Variants in NTM observed in about 807,000 individuals in gnomAD.
The protein encoded by NTM is neurotrimin, also known as IgLON family member 2.
In NTM, 13 loss-of-function variants were observed where a neutral mutation model predicts 42.1. That is an observed-to-expected ratio of 0.31 (90% confidence interval 0.20 to 0.49). The LOEUF is 0.49. Among genes scored for constraint, NTM ranks in the 20% least tolerant of loss-of-function variants. The probability of loss-of-function intolerance (pLI) is 0.99; values close to 1 mark genes in which losing one functional copy is unlikely to be tolerated. For missense variants in NTM, 373 were observed against 452.8 expected (o/e 0.82, Z 1.60); for synonymous variants, 187 against 179.2 (o/e 1.04, Z -0.35).
intron 3 of NTM, among the ~76,000 whole-genome samples, chr11:132,198,580 T>C (rs932377101): frequency 6.6e-6 from 1 of 152,168 alleles, no homozygotes; most frequent in African/African-American, 2.4e-5. Flanking sequence ...TTTACCACAG[T>C]AAAAGCTTTG....
At chr11:131,564,027 C>A (rs1041598946) in intron 1 of NTM, among the ~76,000 whole-genome samples, 2 of 152,310 alleles carry the variant, frequency 1.3e-5, no homozygotes, top group South Asian at 4.1e-4. Flanking sequence ...TAAAATTAGT[C>A]TTTGCTTCAC....
intron 1 of NTM, among the ~76,000 whole-genome samples, chr11:131,491,471 A>G (rs756782917): frequency 6.6e-6 from 1 of 152,140 alleles, no homozygotes; most frequent in East Asian, 1.9e-4. Context: ...AAATACTCAC[A>G]TCCATACCTA....
At chr11:132,102,353 G>A (rs1339064790) in intron 2 of NTM, among the ~76,000 whole-genome samples, 1 of 152,170 alleles carries the variant, frequency 6.6e-6, no homozygotes, top group Non-Finnish European at 1.5e-5. Flanking sequence ...CTGGCTCCTA[G>A]GATGTGTTTC....
At chr11:131,639,882 G>A (rs1413343489) in intron 1 of NTM, among the ~76,000 whole-genome samples, 2 of 152,018 alleles carry the variant, frequency 1.3e-5, no homozygotes, top group Non-Finnish European at 2.9e-5. Flanking sequence ...CTTGAACCCG[G>A]GAGGCGGAGG....
intron 1 of NTM, among the ~76,000 whole-genome samples, chr11:131,434,722 T>C (rs1948980522): frequency 1.3e-5 from 2 of 152,248 alleles, no homozygotes; most frequent in South Asian, 4.1e-4. Context: ...GCAAAAATTT[T>C]CTCCCATTCT....
Position 131,911,626 on chromosome 11 carries a change from C to T in NTM, c.145C>T (p.Gln49Ter). ...AGCTATGGACAACGTGACGGTCCGG[C>T]AGGGGGAGAGCGCCACCCTCAGGTA... is the stretch of plus-strand genomic sequence containing the variant. ...PKAMDNVTVR[Q>*]GESATLRCTI... Residue 49 changes from glutamine (Q) to a stop codon, truncating the protein, a stop_gained, in exon 2 of 9, where the codon CAG becomes TAG. Transcript: ENST00000683400. LOFTEE classifies it high-confidence loss of function. 6.2e-7 allele frequency: 1 copy of T among 1,614,144 alleles called. No individual in the cohort carries two copies.
chr11:131,955,546 TA>T lies in NTM; in HGVS notation c.167+43899del, dbSNP rs753743848. Reference sequence around the variant, plus strand: ...AGATAAATTATAAATGGAGGATAATTATCGTAGTTTTTAGGAAAGGTAAAAC... The same window carrying T: ...AGATAAATTATAAATGGAGGATAATTTCGTAGTTTTTAGGAAAGGTAAAAC... On this transcript the variant is annotated intron_variant, in intron 2 of 8. Transcript: ENST00000683400. Among the ~76,000 whole-genome samples, 41 of 152,242 alleles carry T rather than the reference TA, an allele frequency of 2.7e-4. No homozygotes were observed. In the Middle Eastern group the frequency reaches 0.024, roughly 88 times the overall value.
intron 4 of NTM, among the ~76,000 whole-genome samples, chr11:132,230,987 G>A (rs931409581): frequency 2.6e-5 from 4 of 152,230 alleles, no homozygotes; most frequent in African/African-American, 7.2e-5. Context: ...ACTCCAGCCT[G>A]TGTGATAGAG....
At chr11:131,511,375 G>A (rs2048222882) in intron 1 of NTM, among the ~76,000 whole-genome samples, 1 of 152,208 alleles carries the variant, frequency 6.6e-6, no homozygotes, top group Non-Finnish European at 1.5e-5. Context: ...ATCAAAGTCT[G>A]ACTGCCAGAG....
At chr11:132,077,775 T>C (rs1358843982) in intron 2 of NTM, among the ~76,000 whole-genome samples, 1 of 152,208 alleles carries the variant, frequency 6.6e-6, no homozygotes, top group Non-Finnish European at 1.5e-5. Context: ...ACAAACTTTA[T>C]TTTTTGGTAG....
At chr11:131,909,321 G>A (rs900474240) in intron 1 of NTM, among the ~76,000 whole-genome samples, 3 of 152,178 alleles carry the variant, frequency 2.0e-5, no homozygotes, top group African/African-American at 7.2e-5. Flanking sequence ...ACATGTAAGT[G>A]ATTGGTACTG....
chr11:131,801,035 G>C (rs73595147), intron 1 of NTM, among the ~76,000 whole-genome samples: 5,195 of 152,206 alleles, frequency 0.034, 299 homozygotes, highest in African/African-American at 0.12. Flanking sequence ...GGCATTTGGG[G>C]CTGGGGTTAG....
intron 1 of NTM, among the ~76,000 whole-genome samples, chr11:131,817,022 C>T (rs2092981007): frequency 6.6e-6 from 1 of 152,136 alleles, no homozygotes; most frequent in Non-Finnish European, 1.5e-5. Context: ...CATCTATTTA[C>T]AAGTATTTCT....
chr11:131,775,909 G>A (rs1285987779), intron 1 of NTM, among the ~76,000 whole-genome samples: 3 of 152,180 alleles, frequency 2.0e-5, no homozygotes, highest in Admixed American at 2.0e-4. Flanking sequence ...ATTTGGGATA[G>A]TGCATTTATT....
At chr11:132,111,063 C>CAAAAAAAAAAAAAAAAAA (rs57458373) in intron 2 of NTM, among the ~76,000 whole-genome samples, 1 of 35,440 alleles carries the variant, frequency 2.8e-5, no homozygotes, top group African/African-American at 1.2e-4. Flanking sequence ...GGCCCTATCT[C>CAAAAAAAAAAAAAAAAAA]AAAAAAAAAA....
At chr11:131,500,598 ATTATAC>A (rs2046682285) in intron 1 of NTM, among the ~76,000 whole-genome samples, 3 of 107,474 alleles carry the variant, frequency 2.8e-5, no homozygotes, top group African/African-American at 6.3e-5. Flanking sequence ...TTTTTTTTGT[ATTATAC>A]TTTAAGTTCT....
chr11:132,247,443 A>AGC (rs2091339576), intron 4 of NTM, among the ~76,000 whole-genome samples: 2 of 152,248 alleles, frequency 1.3e-5, no homozygotes, highest in Admixed American at 1.3e-4. Context: ...TCAGTGAGGA[A>AGC]ATATATACGT....
intron 2 of NTM, among the ~76,000 whole-genome samples, chr11:131,940,694 C>T (rs1163483562): frequency 6.6e-6 from 1 of 152,162 alleles, no homozygotes; most frequent in Non-Finnish European, 1.5e-5. Flanking sequence ...TTATCTGAAT[C>T]TAGGTTTATG....
intron 2 of NTM, among the ~76,000 whole-genome samples, chr11:131,976,482 A>G (rs2064400704): frequency 6.6e-6 from 1 of 152,074 alleles, no homozygotes; most frequent in African/African-American, 2.4e-5. Context: ...GAATAGATTC[A>G]TGTTTTCTTT....
Sources: gnomAD v4.1 joint callset for allele counts (sites outside exome capture counted in the v4.1 genomes callset) on GRCh38, gnomAD v4.1.1 for gene constraint, MANE v1.5 for transcripts, NCBI Gene and HGNC (gene_info 2026-07-23, HGNC 2026-07-21) for gene names.